Variants in NYAP2 observed in about 807,000 individuals in gnomAD.
NYAP2 encodes neuronal tyrosine-phosphorylated phosphoinositide-3-kinase adaptor 2, also known as neuronal tyrosine-phosphorylated phosphoinositide-3-kinase adapter 2.
Under a neutral mutation model 50.4 loss-of-function variants are expected in NYAP2, and 23 were observed. That is an observed-to-expected ratio of 0.46 (90% CI 0.33 to 0.65). The LOEUF is 0.65. Ranked by LOEUF, NYAP2 falls within the 30% of genes least tolerant of loss-of-function variation. NYAP2 has a pLI of 0.02. For synonymous variants in NYAP2, 394 were observed against 365.2 expected, an observed-to-expected ratio of 1.08 and a Z score of -0.90; for missense variants, 885 against 861.0, an observed-to-expected ratio of 1.03 and a Z score of -0.35.
chr2:225,562,359 A>G (rs547642660), intron 4 of NYAP2, among the ~76,000 whole-genome samples: 1 of 152,206 alleles, frequency 6.6e-6, no homozygotes, highest in South Asian at 2.1e-4. Context: ...CACTTACTGT[A>G]TGTGTTCAAT....
intron 3 of NYAP2, among the ~76,000 whole-genome samples, chr2:225,486,106 A>G (rs1236650051): frequency 6.6e-6 from 1 of 151,990 alleles, no homozygotes; most frequent in Non-Finnish European, 1.5e-5. Context: ...GAGGCCACCC[A>G]CCCTTGAGCA....
chr2:225,650,474 T>C (rs1693711064), intron 6 of NYAP2, among the ~76,000 whole-genome samples: 1 of 152,210 alleles, frequency 6.6e-6, no homozygotes, highest in Admixed American at 6.5e-5. Flanking sequence ...TGAAAAGCAC[T>C]TGTTTATTTA....
chr2:225,617,208 C>G (rs1243752805), intron 5 of NYAP2, among the ~76,000 whole-genome samples: 2 of 152,122 alleles, frequency 1.3e-5, no homozygotes, highest in Non-Finnish European at 2.9e-5. Flanking sequence ...AGGTAGATCT[C>G]TTGAGGTCAG....
intron 6 of NYAP2, among the ~76,000 whole-genome samples, chr2:225,628,315 G>GC (rs1693246410): frequency 9.1e-6 from 1 of 109,420 alleles, no homozygotes; most frequent in Non-Finnish European, 1.9e-5. Flanking sequence ...AGAACACATA[G>GC]TTTTTTTTTT....
At chr2:225,434,811 T>C (rs1689349035) in intron 3 of NYAP2, among the ~76,000 whole-genome samples, 1 of 152,226 alleles carries the variant, frequency 6.6e-6, no homozygotes, top group African/African-American at 2.4e-5. Flanking sequence ...CACGTGTGTG[T>C]GTACACACAT....
At chr2:225,521,506 G>A (rs934498333) in intron 4 of NYAP2, among the ~76,000 whole-genome samples, 1 of 152,040 alleles carries the variant, frequency 6.6e-6, no homozygotes, top group Admixed American at 6.6e-5. Flanking sequence ...TTTGTCGAAG[G>A]CCTTTTCTGC....
chr2:225,509,587 C>T (rs996134970), intron 3 of NYAP2, among the ~76,000 whole-genome samples: 13 of 152,112 alleles, frequency 8.5e-5, no homozygotes, highest in African/African-American at 1.7e-4. Context: ...TCTTGTTGCC[C>T]GTTACCCACT....
chr2:225,621,996 G>C lies in NYAP2; in HGVS notation c.1619-4921G>C, dbSNP rs768337137. On this transcript the variant is annotated intron_variant, in intron 5 of 6. Transcript: ENST00000636099. ...TTGTGAATAATGCTACTATAAACTT[G>C]GATGTACAAATACCTGTTTGAGCTC... Among the ~76,000 whole-genome samples, 56 of 152,092 alleles carry C rather than the reference G, an allele frequency of 3.7e-4. 1 individual carries two copies. The highest frequency in any genetic ancestry group is 7.2e-4 in the Admixed American group (11 of 15,268).
chr2:225,679,926 C>A, the NYAP2 span, among the ~76,000 whole-genome samples: 1 of 152,120 alleles, frequency 6.6e-6, no homozygotes, highest in African/African-American at 2.4e-5. Context: ...CCCTTTACCA[C>A]CCAGCTCTTG....
chr2:225,663,014 C>CAGA, the NYAP2 span, among the ~76,000 whole-genome samples: 1 of 152,134 alleles, frequency 6.6e-6, no homozygotes, highest in Non-Finnish European at 1.5e-5. Context: ...CACTTTAGAC[C>CAGA]AGAAGTGTTA....
intron 6 of NYAP2, among the ~76,000 whole-genome samples, chr2:225,649,786 T>A (rs538195873): frequency 3.3e-5 from 5 of 152,344 alleles, no homozygotes; most frequent in African/African-American, 9.6e-5. Flanking sequence ...AGGCATAAAA[T>A]ACATAGATGC....
the NYAP2 span, among the ~76,000 whole-genome samples, chr2:225,682,359 G>A: frequency 6.6e-5 from 10 of 152,278 alleles, no homozygotes; most frequent in African/African-American, 2.2e-4. Context: ...AAAGCCATGA[G>A]TAAAAGCTGT....
intron 5 of NYAP2, among the ~76,000 whole-genome samples, chr2:225,601,148 G>C (rs1692683872): frequency 6.7e-6 from 1 of 149,110 alleles, no homozygotes; most frequent in Non-Finnish European, 1.5e-5. Flanking sequence ...TTTTGAGATG[G>C]AGTCTTGCTG....
At chr2:225,620,858 G>C (rs1485198159) in intron 5 of NYAP2, among the ~76,000 whole-genome samples, 1 of 152,204 alleles carries the variant, frequency 6.6e-6, no homozygotes, top group Non-Finnish European at 1.5e-5. Flanking sequence ...GCTCACACCT[G>C]TAATCCCAGC....
chr2:225,702,841 G>C, the NYAP2 span: 1 of 151,540 alleles, frequency 6.6e-6, no homozygotes, highest in Non-Finnish European at 1.5e-5. Flanking sequence ...TGTTGGATTT[G>C]TCTCAACCAA....
At chr2:225,456,252 G>T (rs1285601306) in intron 3 of NYAP2, among the ~76,000 whole-genome samples, 1 of 152,168 alleles carries the variant, frequency 6.6e-6, no homozygotes, top group African/African-American at 2.4e-5. Flanking sequence ...TTCTGCATGA[G>T]ACTGTATCTC....
At chr2:225,595,593 G>A (rs776816881) in intron 5 of NYAP2, among the ~76,000 whole-genome samples, 1 of 152,198 alleles carries the variant, frequency 6.6e-6, no homozygotes, top group Non-Finnish European at 1.5e-5. Flanking sequence ...TCAAAGAGAA[G>A]TTTTAAACCT....
At chr2:225,620,551 T>C (rs914900963) in intron 5 of NYAP2, among the ~76,000 whole-genome samples, 3 of 152,138 alleles carry the variant, frequency 2.0e-5, no homozygotes, top group Non-Finnish European at 2.9e-5. Flanking sequence ...TTCTCCATAA[T>C]ACATTTATGA....
intron 4 of NYAP2, among the ~76,000 whole-genome samples, chr2:225,536,150 T>C (rs199530086): frequency 1.8e-4 from 27 of 152,322 alleles, no homozygotes; most frequent in African/African-American, 6.5e-4. Context: ...AAAATAAATC[T>C]AGTTCAGAGC....
Sources: gnomAD v4.1 joint callset for allele counts (sites outside exome capture counted in the v4.1 genomes callset) on GRCh38, gnomAD v4.1.1 for gene constraint, MANE v1.5 for transcripts, NCBI Gene and HGNC (gene_info 2026-07-23, HGNC 2026-07-21) for gene names.